The following EYA4 variants were observed in gnomAD, a reference collection of about 807,000 sequenced individuals.
EYA4 encodes protein phosphatase EYA4.
EYA4 carries 31 observed loss-of-function variants against 87.9 expected under a neutral mutation model. The ratio of observed to expected loss-of-function variants is 0.35; its 90% CI spans 0.27 to 0.48. EYA4 has a LOEUF of 0.48. Ranked by LOEUF, EYA4 falls within the 20% of genes least tolerant of loss-of-function variation. The pLI, the probability that EYA4 is intolerant of heterozygous loss-of-function variation, is 0.99. For synonymous variants in EYA4, 263 were observed against 270.6 expected, an observed-to-expected ratio of 0.97 and a Z score of 0.28; for missense variants, 678 against 761.4, an observed-to-expected ratio of 0.89 and a Z score of 1.29.
intron 3 of EYA4, among the ~76,000 whole-genome samples, chr6:133,442,266 A>G (rs1353545045): frequency 6.6e-6 from 1 of 152,088 alleles, no homozygotes; most frequent in Non-Finnish European, 1.5e-5. Flanking sequence ...ATTGAAGCAT[A>G]GTATTTCTTT....
chr6:133,368,755 T>G (rs1486787240), intron 2 of EYA4, among the ~76,000 whole-genome samples: 1 of 152,148 alleles, frequency 6.6e-6, no homozygotes, highest in Non-Finnish European at 1.5e-5. Flanking sequence ...GCTGACCATG[T>G]GCTGCAGGTG....
At chr6:133,510,807 C>A (rs180706616) in intron 14 of EYA4, 1 of 154,190 alleles carries the variant, frequency 6.5e-6, no homozygotes, top group Admixed American at 6.5e-5. Context: ...ATCATCGTAA[C>A]CTTGTGTTAG....
At chr6:133,412,245 T>C (rs1391091810) in intron 3 of EYA4, among the ~76,000 whole-genome samples, 2 of 152,226 alleles carry the variant, frequency 1.3e-5, no homozygotes. Context: ...GTAAAAATTA[T>C]GAGTTTTTTA....
intron 3 of EYA4, among the ~76,000 whole-genome samples, chr6:133,437,615 A>T (rs1791816782): frequency 6.6e-6 from 1 of 152,182 alleles, no homozygotes; most frequent in Admixed American, 6.5e-5. Context: ...AAGACTGGGT[A>T]ATTTATAGAG....
chr6:133,382,539 T>C (rs1173168131), intron 3 of EYA4, 98 bp downstream of exon 3: 10 of 862,282 alleles, frequency 1.2e-5, no homozygotes, highest in African/African-American at 1.7e-5. Flanking sequence ...ATTTGAAACA[T>C]TGAGCTTCTT....
intron 2 of EYA4, among the ~76,000 whole-genome samples, chr6:133,308,285 T>C (rs1385960564): frequency 2.0e-5 from 3 of 152,182 alleles, no homozygotes; most frequent in Non-Finnish European, 2.9e-5. Context: ...ACAGATGATA[T>C]AGCTAGGATC....
intron 2 of EYA4, among the ~76,000 whole-genome samples, chr6:133,351,115 T>TAA (rs1783607443): frequency 6.6e-6 from 1 of 152,174 alleles, no homozygotes; most frequent in Non-Finnish European, 1.5e-5. Context: ...GTTAAGTAAC[T>TAA]TCCGAATCAG....
intron 3 of EYA4, among the ~76,000 whole-genome samples, chr6:133,421,539 T>A (rs1017730172): frequency 2.6e-5 from 4 of 152,204 alleles, no homozygotes; most frequent in African/African-American, 9.6e-5. Flanking sequence ...TGCATTTCCG[T>A]GTCTTGATAT....
intron 2 of EYA4, among the ~76,000 whole-genome samples, chr6:133,310,868 T>C (rs1780160174): frequency 1.3e-5 from 2 of 152,218 alleles, no homozygotes. Context: ...CAACTTCGTG[T>C]GTTATGTTTT....
chr6:133,333,776 A>G (rs1782158547), intron 2 of EYA4, among the ~76,000 whole-genome samples: 3 of 152,160 alleles, frequency 2.0e-5, no homozygotes, highest in Non-Finnish European at 4.4e-5. Flanking sequence ...AATGTATAGA[A>G]AAGGGAAAAT....
At chr6:133,475,336 C>T (rs370169033) in intron 11 of EYA4, among the ~76,000 whole-genome samples, 51 of 152,016 alleles carry the variant, frequency 3.4e-4, no homozygotes, top group African/African-American at 1.1e-3. Context: ...ATTTTTATAG[C>T]GCCTCCTTTT....
intron 3 of EYA4, among the ~76,000 whole-genome samples, chr6:133,389,366 TCTC>T (rs1245888977): frequency 6.6e-6 from 1 of 152,146 alleles, no homozygotes; most frequent in African/African-American, 2.4e-5. Context: ...ACCATGTTCT[TCTC>T]CTTCAGAGAT....
chr6:133,312,543 A>C (rs778563730), intron 2 of EYA4, among the ~76,000 whole-genome samples: 4 of 152,202 alleles, frequency 2.6e-5, no homozygotes, highest in Admixed American at 2.6e-4. Context: ...ATGGAATTGT[A>C]AAAATACGTT....
At position 133,424,948 on chromosome 6, in the gene EYA4, A is replaced by T. The variant is rs149840822; in HGVS notation, c.84-21682A>T. On this transcript the variant is annotated intron_variant, in intron 3 of 19. Coordinates refer to ENST00000355286, the MANE Select transcript of EYA4 (RefSeq NM_004100.5). Reference sequence around the variant, plus strand: ...GATGGCATCAACTACTGCCATCACTACCACCTTCCTCCCTCCAATCTCTTG... The same window carrying T: ...GATGGCATCAACTACTGCCATCACTTCCACCTTCCTCCCTCCAATCTCTTG... Among the ~76,000 whole-genome samples, 57 of 150,742 alleles carry T rather than the reference A, an allele frequency of 3.8e-4. 2 individuals carry two copies. In the East Asian group the frequency reaches 7.9e-3, roughly 21 times the overall value.
chr6:133,477,100 G>A (rs954479656), intron 11 of EYA4, among the ~76,000 whole-genome samples: 1 of 152,030 alleles, frequency 6.6e-6, no homozygotes, highest in Non-Finnish European at 1.5e-5. Flanking sequence ...ATGATTGTAA[G>A]TTTCCTGAGG....
chr6:133,346,973 A>T (rs553430445), intron 2 of EYA4, among the ~76,000 whole-genome samples: 1 of 151,748 alleles, frequency 6.6e-6, no homozygotes. Flanking sequence ...AAAGATGAAG[A>T]TCCAGTCCCT....
In EYA4 at chr6:133,506,106, G is replaced by T. The variant is rs906659742; in HGVS notation, c.1192G>T (p.Asp398Tyr). ...CATTATGTGTACATTTTCTTTACAG[G>T]ATCCCCCCATGGCTGTAACCCTTGG... ...TGSYAQKYGK[D>Y]PPMAVTLGLR... The change falls in exon 14 of 20, where the codon GAT becomes TAT. Residue 398 changes from aspartate to tyrosine, a missense_variant and splice_region_variant. Coordinates refer to ENST00000355286, the MANE Select transcript of EYA4 (RefSeq NM_004100.5). 6.3e-7 allele frequency: 1 copy of T among 1,588,822 alleles called. No individual in the cohort carries two copies. The highest frequency in any genetic ancestry group is 8.6e-7 in the Non-Finnish European group (1 of 1,157,180).
intron 13 of EYA4, among the ~76,000 whole-genome samples, chr6:133,483,990 G>T (rs1796478712): frequency 2.0e-5 from 3 of 152,104 alleles, no homozygotes; most frequent in South Asian, 4.1e-4. Flanking sequence ...CCTCCAAAGT[G>T]CTGGGATTAC....
chr6:133,336,161 A>C (rs1009057242), intron 2 of EYA4, among the ~76,000 whole-genome samples: 1 of 152,190 alleles, frequency 6.6e-6, no homozygotes, highest in African/African-American at 2.4e-5. Context: ...GGGTGTCATT[A>C]ACAGATGCTA....
Sources: gnomAD v4.1 joint callset for allele counts (sites outside exome capture counted in the v4.1 genomes callset) on GRCh38, gnomAD v4.1.1 for gene constraint, MANE v1.5 for transcripts, NCBI Gene and HGNC (gene_info 2026-07-23, HGNC 2026-07-21) for gene names.